EXOC6B: variants seen among roughly 807,000 people sequenced by gnomAD.
EXOC6B encodes SEC15 homolog B.
EXOC6B carries 54 observed loss-of-function variants against 113.5 expected under a neutral mutation model. The ratio of observed to expected loss-of-function variants is 0.48; its 90% CI spans 0.38 to 0.60. The LOEUF (loss-of-function observed/expected upper bound fraction) is 0.60. Among genes scored for constraint, EXOC6B ranks in the 20% least tolerant of loss-of-function variants. The pLI, the probability that EXOC6B is intolerant of heterozygous loss-of-function variation, is 0.00. For synonymous variants in EXOC6B, 357 were observed against 339.0 expected (o/e 1.05, Z -0.58); for missense variants, 797 against 977.5 (o/e 0.82, Z 2.46).
intron 20 of EXOC6B, among the ~76,000 whole-genome samples, chr2:72,223,873 T>C (rs1681033983): frequency 6.6e-6 from 1 of 152,190 alleles, no homozygotes; most frequent in South Asian, 2.1e-4. Context: ...CACTGCTCTG[T>C]CTTTTCCCAG....
intron 1 of EXOC6B, among the ~76,000 whole-genome samples, chr2:72,807,128 C>T (rs1009314756): frequency 9.9e-5 from 15 of 152,178 alleles, no homozygotes; most frequent in South Asian, 2.1e-4. Flanking sequence ...TTCCTAGGTT[C>T]GCTTCCAGAG....
intron 19 of EXOC6B, among the ~76,000 whole-genome samples, chr2:72,370,662 C>T (rs1197426379): frequency 3.3e-5 from 5 of 152,136 alleles, no homozygotes; most frequent in African/African-American, 9.7e-5. Context: ...CACATATACA[C>T]CATGGAATAC....
chr2:72,555,995 T>C (rs956158427), intron 8 of EXOC6B, among the ~76,000 whole-genome samples: 1 of 152,146 alleles, frequency 6.6e-6, no homozygotes, highest in African/African-American at 2.4e-5. Context: ...TACAGTTTCC[T>C]TGAAGAACTA....
intron 20 of EXOC6B, among the ~76,000 whole-genome samples, chr2:72,226,054 C>T (rs993673194): frequency 1.3e-5 from 2 of 151,870 alleles, no homozygotes; most frequent in African/African-American, 4.8e-5. Context: ...GACTAGAAAT[C>T]GAATGTAAAA....
At chr2:72,450,061 T>C (rs1242144297) in intron 18 of EXOC6B, among the ~76,000 whole-genome samples, 1 of 152,358 alleles carries the variant, frequency 6.6e-6, no homozygotes, top group East Asian at 1.9e-4. Context: ...ACAACATTTA[T>C]GGCCACCAGG....
intron 18 of EXOC6B, among the ~76,000 whole-genome samples, chr2:72,439,339 G>T (rs924316477): frequency 6.6e-6 from 1 of 152,088 alleles, no homozygotes; most frequent in African/African-American, 2.4e-5. Context: ...TTCCATATTG[G>T]TTCCATTCTC....
intron 7 of EXOC6B, among the ~76,000 whole-genome samples, chr2:72,575,288 T>G (rs1355934081): frequency 6.6e-6 from 1 of 152,162 alleles, no homozygotes; most frequent in Non-Finnish European, 1.5e-5. Context: ...ATTTAAAATT[T>G]GAATTCTCAA....
chr2:72,577,981 C>A (rs1302766067), intron 6 of EXOC6B, among the ~76,000 whole-genome samples: 1 of 152,054 alleles, frequency 6.6e-6, no homozygotes, highest in Non-Finnish European at 1.5e-5. Flanking sequence ...ACTTAACCAC[C>A]TCTTTCTCAA....
intron 17 of EXOC6B, among the ~76,000 whole-genome samples, chr2:72,477,870 T>C (rs767932986): frequency 3.9e-5 from 6 of 152,186 alleles, no homozygotes; most frequent in African/African-American, 1.4e-4. Context: ...TTTTTGGTCA[T>C]TTATTTTTTT....
intron 18 of EXOC6B, among the ~76,000 whole-genome samples, chr2:72,380,533 A>T (rs1483531627): frequency 6.6e-6 from 1 of 151,982 alleles, no homozygotes; most frequent in African/African-American, 2.4e-5. Context: ...CCAGCTACTC[A>T]GAAGGCTGAG....
intron 6 of EXOC6B, among the ~76,000 whole-genome samples, chr2:72,682,879 AATT>A (rs1420712993): frequency 6.6e-6 from 1 of 152,146 alleles, no homozygotes; most frequent in African/African-American, 2.4e-5. Context: ...TATCCACTAT[AATT>A]ATTATTTCTT....
chr2:72,207,163 G>C (rs1256432154), intron 20 of EXOC6B, among the ~76,000 whole-genome samples: 1 of 152,156 alleles, frequency 6.6e-6, no homozygotes, highest in Non-Finnish European at 1.5e-5. Context: ...ATTTTTAACA[G>C]CTATATACCG....
chr2:72,741,733 A>G (rs918455217), intron 1 of EXOC6B, among the ~76,000 whole-genome samples: 32 of 152,320 alleles, frequency 2.1e-4, no homozygotes, highest in African/African-American at 7.0e-4. Flanking sequence ...ACTCCCTTGT[A>G]TCTTTCTTTT....
intron 19 of EXOC6B, among the ~76,000 whole-genome samples, chr2:72,339,615 C>T (rs1688908882): frequency 6.6e-6 from 1 of 152,204 alleles, no homozygotes; most frequent in Non-Finnish European, 1.5e-5. Context: ...CCCAGCAGTT[C>T]TGCCCTGCCC....
intron 11 of EXOC6B, among the ~76,000 whole-genome samples, chr2:72,511,676 C>T (rs1700907225): frequency 6.6e-6 from 1 of 152,140 alleles, no homozygotes; most frequent in South Asian, 2.1e-4. Context: ...GTAACACATT[C>T]CATTCAGCCC....
intron 19 of EXOC6B, among the ~76,000 whole-genome samples, chr2:72,368,893 C>T (rs1006099101): frequency 4.6e-5 from 7 of 152,124 alleles, no homozygotes; most frequent in African/African-American, 1.7e-4. Flanking sequence ...CTATGACAAA[C>T]CCACAGCCAA....
intron 20 of EXOC6B, among the ~76,000 whole-genome samples, chr2:72,283,593 T>C (rs1685257004): frequency 6.6e-6 from 1 of 151,888 alleles, no homozygotes; most frequent in South Asian, 2.1e-4. Context: ...ATTTTGTGAG[T>C]TTTAACTCTA....
Position 72,366,914 on chromosome 2 carries a change from C to T in EXOC6B, c.2122+12815G>A, listed in dbSNP as rs367972195. Among the ~76,000 whole-genome samples, 4 of 149,890 alleles carry T rather than the reference C, an allele frequency of 2.7e-5. No individual in the cohort carries two copies. The East Asian group carries it at 7.8e-4, about 29-fold the overall frequency. The stretch of plus-strand genomic sequence containing the variant: ...ATAAGTGGAATTGCGCTATAGTGTA[C>T]ATTGAAGGAAGCTCCTCAGTAGAAT... On this transcript the variant is annotated intron_variant, in intron 19 of 21. Coordinates refer to ENST00000272427, the MANE Select transcript of EXOC6B (RefSeq NM_015189.3).
chr2:72,234,101 T>TTG (rs1270390994), intron 20 of EXOC6B, among the ~76,000 whole-genome samples: 1 of 151,490 alleles, frequency 6.6e-6, no homozygotes, highest in African/African-American at 2.4e-5. Flanking sequence ...TTTTTTTTTT[T>TTG]TTTAAGACAG....
Sources: gnomAD v4.1 joint callset for allele counts (sites outside exome capture counted in the v4.1 genomes callset) on GRCh38, gnomAD v4.1.1 for gene constraint, MANE v1.5 for transcripts, NCBI Gene and HGNC (gene_info 2026-07-23, HGNC 2026-07-21) for gene names.